The following GRID1 variants were observed in gnomAD, a reference collection of about 807,000 sequenced individuals.
GRID1 encodes the protein glutamate ionotropic receptor delta type subunit 1.
In GRID1, 28 loss-of-function variants were observed where a neutral mutation model predicts 98.0. The ratio of observed to expected loss-of-function variants is 0.29; its 90% CI spans 0.21 to 0.39. The LOEUF (loss-of-function observed/expected upper bound fraction) is 0.39, where lower values mean the gene tolerates loss of function less well. Among genes scored for constraint, GRID1 ranks in the 10% least tolerant of loss-of-function variants. The pLI is 1.00. For synonymous variants in GRID1, 553 were observed against 538.5 expected (o/e 1.03, Z -0.37); for missense variants, 1,111 against 1,340.5 (o/e 0.83, Z 2.67).
chr10:85,736,069 G>A (rs1338878059), intron 8 of GRID1, among the ~76,000 whole-genome samples: 1 of 120,302 alleles, frequency 8.3e-6, no homozygotes, highest in Non-Finnish European at 1.7e-5. Flanking sequence ...AAGGAGAGAG[G>A]GAAGGAAGGA....
rs73336512 is a variant in GRID1, at chr10:85,848,099, G to A, written c.1233+6397C>T. On this transcript the variant is annotated intron_variant, in intron 8 of 15. Coordinates refer to ENST00000327946, the MANE Select transcript of GRID1 (RefSeq NM_017551.3). ...TAGTATATCACTTTTTCATCTTGCT[G>A]CCAAACTAGCAAAAATGTTTAATAT... Among the ~76,000 whole-genome samples the A allele has an allele frequency of 5.7e-3, 870 of 152,140 alleles. 8 individuals are homozygous for A. The highest frequency in any genetic ancestry group is 0.02 in the African/African-American group (818 of 41,538).
chr10:85,897,357 G>A (rs976316319), intron 5 of GRID1, among the ~76,000 whole-genome samples: 7 of 152,152 alleles, frequency 4.6e-5, no homozygotes, highest in South Asian at 2.1e-4. Context: ...TGGTTGGCTG[G>A]GAAGTTCTCT....
At chr10:85,846,648 T>C (rs1843009606) in intron 8 of GRID1, among the ~76,000 whole-genome samples, 3 of 152,018 alleles carry the variant, frequency 2.0e-5, no homozygotes, top group Admixed American at 2.0e-4. Flanking sequence ...AAAAAACTGC[T>C]GTCAAGTCTA....
At chr10:86,197,372 CAGG>C (rs1159605136) in intron 3 of GRID1, among the ~76,000 whole-genome samples, 1 of 152,052 alleles carries the variant, frequency 6.6e-6, no homozygotes, top group Non-Finnish European at 1.5e-5. Context: ...AGACAGGGAG[CAGG>C]AGGAGGGGAG....
chr10:85,806,660 T>C (rs985182853), intron 8 of GRID1, among the ~76,000 whole-genome samples: 3 of 152,032 alleles, frequency 2.0e-5, no homozygotes, highest in Non-Finnish European at 4.4e-5. Flanking sequence ...CGTGGAAAAC[T>C]CAAAAACATT....
At chr10:85,647,591 T>C (rs1437967756) in intron 12 of GRID1, 194 bp from the exon 13 acceptor site, 1 of 583,380 alleles carries the variant, frequency 1.7e-6, no homozygotes, top group African/African-American at 1.9e-5. Flanking sequence ...CAATTACAGG[T>C]GTGTTTTCTC....
intron 8 of GRID1, among the ~76,000 whole-genome samples, chr10:85,807,628 C>T (rs2131742454): frequency 6.6e-6 from 1 of 151,990 alleles, no homozygotes; most frequent in Non-Finnish European, 1.5e-5. Flanking sequence ...TGAAGAGCTG[C>T]TCAGTTTTCA....
intron 2 of GRID1, among the ~76,000 whole-genome samples, chr10:86,254,466 A>G (rs564045429): frequency 5.1e-4 from 78 of 152,366 alleles, no homozygotes; most frequent in African/African-American, 1.8e-3. Flanking sequence ...GGGGCTCTGT[A>G]ATTGTGTCTT....
chr10:86,014,544 A>G (rs1842958207), intron 4 of GRID1, among the ~76,000 whole-genome samples: 1 of 152,200 alleles, frequency 6.6e-6, no homozygotes, highest in African/African-American at 2.4e-5. Flanking sequence ...TTGCCTGCAC[A>G]TTCTGGCCAC....
At chr10:85,977,126 G>C (rs1252662752) in intron 4 of GRID1, among the ~76,000 whole-genome samples, 1 of 152,206 alleles carries the variant, frequency 6.6e-6, no homozygotes, top group African/African-American at 2.4e-5. Flanking sequence ...TTGGAGTTCA[G>C]CCCCCTCTGC....
At chr10:86,152,273 G>C (rs370687871) in intron 3 of GRID1, among the ~76,000 whole-genome samples, 29 of 152,296 alleles carry the variant, frequency 1.9e-4, no homozygotes, top group African/African-American at 7.0e-4. Context: ...GTTCTGTTTG[G>C]GTATGAGGGG....
intron 12 of GRID1, among the ~76,000 whole-genome samples, chr10:85,660,119 C>A (rs1285481668): frequency 6.6e-6 from 1 of 152,212 alleles, no homozygotes; most frequent in Non-Finnish European, 1.5e-5. Flanking sequence ...GCTCCACATG[C>A]CACATAACTT....
intron 2 of GRID1, among the ~76,000 whole-genome samples, chr10:86,266,462 A>G (rs1485615109): frequency 1.3e-5 from 2 of 152,210 alleles, no homozygotes; most frequent in Admixed American, 6.5e-5. Flanking sequence ...AGGAGCCCCC[A>G]GGCTCTGCAC....
intron 12 of GRID1, among the ~76,000 whole-genome samples, chr10:85,678,794 T>C (rs1278125598): frequency 6.6e-6 from 1 of 152,120 alleles, no homozygotes; most frequent in East Asian, 1.9e-4. Context: ...TTCTCTCCCC[T>C]TCCTCTCACC....
chr10:86,170,249 C>T (rs114288022), intron 3 of GRID1, among the ~76,000 whole-genome samples: 2,450 of 152,270 alleles, frequency 0.016, 36 homozygotes, highest in East Asian at 0.046. Flanking sequence ...GTGTCAGCTC[C>T]GCAGCAGCCA....
At chr10:85,707,446 T>C (rs1841533446) in intron 12 of GRID1, among the ~76,000 whole-genome samples, 1 of 152,094 alleles carries the variant, frequency 6.6e-6, no homozygotes, top group South Asian at 2.1e-4. Context: ...TGGCAATCAT[T>C]AAAAAGTCAG....
In GRID1 at chr10:86,254,186, G is replaced by C. The variant is rs182197370; in HGVS notation, c.236-47538C>G. On this transcript the variant is annotated intron_variant, in intron 2 of 15. Transcript: ENST00000327946. ...ACACTTTCCCTCAGCACCTGTGACA[G>C]TCAGCCTCCTCCCTCACAACCCCAT... Among the ~76,000 whole-genome samples the C allele has an allele frequency of 4.6e-4, 70 of 152,200 alleles. 1 individual carries two copies. The highest frequency in any genetic ancestry group is 1.6e-3 in the African/African-American group (66 of 41,526).
intron 4 of GRID1, among the ~76,000 whole-genome samples, chr10:86,135,424 C>T (rs2131969478): frequency 6.6e-6 from 1 of 152,338 alleles, no homozygotes; most frequent in South Asian, 2.1e-4. Flanking sequence ...CCCATGGTGC[C>T]CCCAGGCCTG....
chr10:86,311,041 G>A (rs1847825248), intron 2 of GRID1, among the ~76,000 whole-genome samples: 1 of 152,148 alleles, frequency 6.6e-6, no homozygotes, highest in African/African-American at 2.4e-5. Context: ...AGGAGGGGCA[G>A]TGAGGACAAG....
Sources: allele counts gnomAD v4.1 joint callset (sites outside exome capture counted in the v4.1 genomes callset), GRCh38; gene constraint gnomAD v4.1.1; transcripts MANE v1.5; gene names NCBI Gene and HGNC (gene_info 2026-07-23, HGNC 2026-07-21).